Variants in PKHD1L1 observed in about 807,000 individuals in gnomAD.
PKHD1L1 encodes the protein PKHD1 like 1, also known as fibrocystin-L.
Under a neutral mutation model 462.9 loss-of-function variants are expected in PKHD1L1, and 434 were observed. The ratio of observed to expected loss-of-function variants is 0.94; its 90% CI spans 0.87 to 1.02. The LOEUF (loss-of-function observed/expected upper bound fraction) is 1.02. Ranked by LOEUF, PKHD1L1 falls within the 50% of genes least tolerant of loss-of-function variation. The pLI is 0.00. For synonymous variants in PKHD1L1, 1,781 were observed against 1,750.0 expected, an observed-to-expected ratio of 1.02 and a Z score of -0.44; for missense variants, 5,202 against 5,096.1, an observed-to-expected ratio of 1.02 and a Z score of -0.63.
chr8:109,396,125 G>A lies in PKHD1L1; in HGVS notation c.910G>A (p.Val304Ile). 1.2e-6 allele frequency: 2 copies of A among 1,606,060 alleles called. No individual in the cohort carries two copies. Among genetic ancestry groups the A allele is most frequent in the Non-Finnish European group, 1.7e-6 (2 of 1,176,018 alleles). Residue 304 changes from valine to isoleucine, a missense_variant, in exon 11 of 78, where the codon GTT (valine) becomes ATT (isoleucine). Val to Ile is a conservative substitution (Grantham distance 29, BLOSUM62 3). Coordinates refer to ENST00000378402, the MANE Select transcript of PKHD1L1 (RefSeq NM_177531.6). ...FFDQTDFPVR[V>I]LVGGEPCDIL... ...TGATCAGACAGATTTCCCCGTCAGA[G>A]TTCTAGTTGGAGGTATTTCTCATGG...
intron 12 of PKHD1L1, among the ~76,000 whole-genome samples, chr8:109,399,511 T>C (rs1344273724): frequency 6.6e-6 from 1 of 152,122 alleles, no homozygotes; most frequent in Non-Finnish European, 1.5e-5. Flanking sequence ...ATTGAGAGTA[T>C]CCTGTTTTTG....
intron 50 of PKHD1L1, chr8:109,470,797 A>G (rs1817677528): frequency 2.0e-6 from 3 of 1,522,134 alleles, no homozygotes; most frequent in Non-Finnish European, 2.7e-6. Flanking sequence ...TTGTGAGGTA[A>G]GGAAGGATGA....
intron 25 of PKHD1L1, 107 bp downstream of exon 25, chr8:109,427,263 A>C (rs1814806732): frequency 1.2e-6 from 1 of 862,258 alleles, no homozygotes. Context: ...ATAAAAATTC[A>C]AACCATAAAC....
chr8:109,464,571 C>T lies in PKHD1L1; in HGVS notation c.7739C>T (p.Thr2580Ile), dbSNP rs373550057. Residue 2580 changes from threonine to isoleucine, a missense_variant, in exon 49 of 78, where the codon ACT becomes ATT. By Grantham distance (89) the Thr-to-Ile change is moderately conservative (BLOSUM62 -1). Transcript: ENST00000378402. ...TIRHNAVAGGTHFGFWYRMNN... is the reference protein window; with the variant it reads ...TIRHNAVAGGIHFGFWYRMNN... ...CGACACAATGCTGTTGCTGGTGGCA[C>T]TCACTTTGGCTTTTGGTACCGGATG... is the stretch of plus-strand genomic sequence containing the variant. 6.2e-7 allele frequency: 1 copy of T among 1,613,224 alleles called. No homozygotes were observed. Among genetic ancestry groups the T allele is most frequent in the African/African-American group, 1.3e-5 (1 of 74,896 alleles).
intron 12 of PKHD1L1, among the ~76,000 whole-genome samples, 195 bp downstream of exon 12, chr8:109,398,743 T>C (rs1310054760): frequency 1.3e-5 from 2 of 152,116 alleles, no homozygotes; most frequent in Non-Finnish European, 2.9e-5. Flanking sequence ...GCTGTACCTA[T>C]GGAGAAAAAC....
At chr8:109,497,430 C>CTTTTTT (rs11475834) in intron 65 of PKHD1L1, among the ~76,000 whole-genome samples, 158 bp downstream of exon 65, 1 of 113,522 alleles carries the variant, frequency 8.8e-6, no homozygotes. Context: ...AAAAACCGTT[C>CTTTTTT]TTTTTTTTTT....
In PKHD1L1 at chr8:109,532,012, A is replaced by T. The variant is rs1357770755; in HGVS notation, c.*1922A>T. Among the ~76,000 whole-genome samples the T allele has an allele frequency of 2.0e-5, 3 of 152,224 alleles. No individual in the cohort carries two copies. Among genetic ancestry groups the T allele is most frequent in the African/African-American group, 7.2e-5 (3 of 41,458 alleles). On this transcript the variant is annotated 3_prime_UTR_variant, in exon 78 of 78. Coordinates refer to ENST00000378402, the MANE Select transcript of PKHD1L1 (RefSeq NM_177531.6). ...AAACTGCAATTCCAGCATCTATGGA[A>T]CAAATTCCTACATTTGGGTTCTGGA...
intron 61 of PKHD1L1, 101 bp downstream of exon 61, chr8:109,491,202 G>C: frequency 1.6e-6 from 2 of 1,226,598 alleles, no homozygotes; most frequent in Non-Finnish European, 2.2e-6. Context: ...CTGTGAGGAT[G>C]GAAATGGTCT....
chr8:109,505,854 G>C (rs1177083443), intron 68 of PKHD1L1, among the ~76,000 whole-genome samples: 2 of 152,186 alleles, frequency 1.3e-5, no homozygotes, highest in Admixed American at 1.3e-4. Flanking sequence ...GCAGTCAGCT[G>C]TGATCACACC....
intron 2 of PKHD1L1, among the ~76,000 whole-genome samples, chr8:109,369,906 T>C (rs1034289566): frequency 1.3e-5 from 2 of 152,206 alleles, no homozygotes; most frequent in Non-Finnish European, 1.5e-5. Context: ...GGTATTTATA[T>C]TGTACTTTAG....
At position 109,364,629 on chromosome 8, in the gene PKHD1L1, A is replaced by C; in HGVS notation, c.156A>C (p.Arg52Ser). The C allele has an allele frequency of 2.2e-6, 3 of 1,364,000 alleles. No individual in the cohort carries two copies. The highest frequency in any genetic ancestry group is 3.1e-6 in the Non-Finnish European group (3 of 979,912). The allele number at this position is 1,364,000 out of a possible 1,614,324, so 84.5% of individuals were successfully genotyped here. Residue 52 changes from arginine to serine, a missense_variant, in exon 2 of 78, where the codon AGA becomes AGC. Coordinates refer to ENST00000378402, the MANE Select transcript of PKHD1L1 (RefSeq NM_177531.6). ...ATGGAGCAACAAGGCTGACTATAAG[A>C]GGGGAAGGTATCGTTGCTTTTTTTT... is the stretch of plus-strand genomic sequence containing the variant. ...SINGATRLTI[R>S]GEGFSQANQF...
chr8:109,478,370 A>G (rs371970428), intron 53 of PKHD1L1, among the ~76,000 whole-genome samples: 32 of 152,314 alleles, frequency 2.1e-4, no homozygotes, highest in African/African-American at 7.5e-4. Flanking sequence ...CAAAGAGATG[A>G]CAAAACAAGC....
intron 19 of PKHD1L1, among the ~76,000 whole-genome samples, chr8:109,410,726 C>CTTTTTTTTTTTTTTTTTTGTT (rs1813800320): frequency 5.8e-5 from 4 of 68,386 alleles, no homozygotes; most frequent in Admixed American, 1.9e-4. Context: ...TTTTCTTTTT[C>CTTTTTTTTTTTTTTTTTTGTT]TTTTTTTTTT....
chr8:109,507,899 T>G lies in PKHD1L1; in HGVS notation c.11227+4T>G, dbSNP rs2130978189. The G allele has an allele frequency of 6.2e-7, 1 of 1,613,098 alleles. No individual in the cohort carries two copies. Reference sequence around the variant, plus strand: ...ACTGAGAAAGCACCTCATAAAGGTTTGTTGGATCTTGCTTAATCTGTCATT... The same window carrying G: ...ACTGAGAAAGCACCTCATAAAGGTTGGTTGGATCTTGCTTAATCTGTCATT... On this transcript the variant is annotated splice_donor_region_variant and intron_variant, in intron 69 of 77. Coordinates refer to ENST00000378402, the MANE Select transcript of PKHD1L1 (RefSeq NM_177531.6).
intron 59 of PKHD1L1, 120 bp downstream of exon 59, chr8:109,486,941 A>C: frequency 9.1e-7 from 1 of 1,093,362 alleles, no homozygotes; most frequent in Non-Finnish European, 1.3e-6. Context: ...TAAAGCATTA[A>C]AAGTGATTAT....
Position 109,508,164 on chromosome 8 carries a change from A to G in PKHD1L1, c.11295A>G (p.Glu3765=), listed in dbSNP as rs1317730962. Residue 3765 remains glutamate, a synonymous_variant, in exon 70 of 78, where the codon GAA becomes GAG. Coordinates refer to ENST00000378402, the MANE Select transcript of PKHD1L1 (RefSeq NM_177531.6). ...EWQSYQCFGM[E]YAMMVIESLD... ...AGAGCTATCAGTGCTTTGGGATGGA[A>G]TATGCAATGATGGTTATTGAAAGTC... 6 of 1,613,016 alleles carry G rather than the reference A, an allele frequency of 3.7e-6. No individual in the cohort carries two copies. The African/African-American group carries it at 4.0e-5, about 11-fold the overall frequency.
At chr8:109,506,867 G>A (rs758658398) in intron 68 of PKHD1L1, among the ~76,000 whole-genome samples, 7 of 152,130 alleles carry the variant, frequency 4.6e-5, no homozygotes, top group African/African-American at 1.7e-4. Context: ...TGAGTATATT[G>A]TATGCATACC....
At chr8:109,410,649 C>A (rs1284084014) in intron 19 of PKHD1L1, among the ~76,000 whole-genome samples, 2 of 151,756 alleles carry the variant, frequency 1.3e-5, no homozygotes, top group African/African-American at 4.8e-5. Context: ...TACAATTCAA[C>A]ATGCGATTTG....
At position 109,383,351 on chromosome 8, in the gene PKHD1L1, A is replaced by T. The variant is rs1312951606; in HGVS notation, c.418-719A>T. Among the ~76,000 whole-genome samples, 27 of 111,552 alleles carry T rather than the reference A, an allele frequency of 2.4e-4. No individual in the cohort carries two copies. In the South Asian group the frequency reaches 5.9e-3, roughly 24 times the overall value. 73.2% of individuals were successfully genotyped at this position (111,552 alleles called of 152,430 possible). A position where few individuals can be genotyped will look rare whatever the true frequency, so the allele number is the denominator to read the frequency against. The stretch of plus-strand genomic sequence containing the variant: ...ATATTATATATAATATATATTTTAT[A>T]TTATATATTATAATATATTATATAG... On this transcript the variant is annotated intron_variant, in intron 4 of 77. Coordinates refer to ENST00000378402, the MANE Select transcript of PKHD1L1 (RefSeq NM_177531.6).
Sources: gnomAD v4.1 joint callset for allele counts (sites outside exome capture counted in the v4.1 genomes callset) on GRCh38, gnomAD v4.1.1 for gene constraint, MANE v1.5 for transcripts, NCBI Gene and HGNC (gene_info 2026-07-23, HGNC 2026-07-21) for gene names.